The following NCALD variants were observed in gnomAD, a reference collection of about 807,000 sequenced individuals.
The protein encoded by NCALD is neurocalcin-delta.
NCALD carries 10 observed loss-of-function variants against 18.6 expected under a neutral mutation model. The observed-to-expected ratio is 0.54, with a 90% CI of 0.33 to 0.91. NCALD has a LOEUF of 0.91. Ranked by LOEUF, NCALD falls within the 40% of genes least tolerant of loss-of-function variation. NCALD has a pLI of 0.03. For synonymous variants in NCALD, 88 were observed against 87.4 expected, an observed-to-expected ratio of 1.01 and a Z score of -0.04; for missense variants, 184 against 247.6, an observed-to-expected ratio of 0.74 and a Z score of 1.72.
intron 1 of NCALD, among the ~76,000 whole-genome samples, chr8:101,765,016 T>C (rs538155057): frequency 1.3e-5 from 2 of 152,302 alleles, no homozygotes; most frequent in East Asian, 1.9e-4. Flanking sequence ...CAGGCAAATA[T>C]GAATCTTCAG....
At chr8:101,913,458 C>A (rs1817870814) in intron 3 of NCALD, among the ~76,000 whole-genome samples, 1 of 152,172 alleles carries the variant, frequency 6.6e-6, no homozygotes, top group African/African-American at 2.4e-5. Flanking sequence ...TCAGACTCAA[C>A]ATTTTTCAAA....
At chr8:102,032,549 C>T (rs897391335) in intron 1 of NCALD, among the ~76,000 whole-genome samples, 3 of 144,178 alleles carry the variant, frequency 2.1e-5, no homozygotes, top group Admixed American at 7.3e-5. Flanking sequence ...CAAATCTATA[C>T]TAACTCATAC....
At chr8:101,854,775 A>G (rs902447156) in intron 4 of NCALD, among the ~76,000 whole-genome samples, 1 of 152,208 alleles carries the variant, frequency 6.6e-6, no homozygotes, top group African/African-American at 2.4e-5. Flanking sequence ...TAGCTTTAAA[A>G]AATTTTCATA....
chr8:101,713,880 GA>G (rs1815936127), intron 2 of NCALD, among the ~76,000 whole-genome samples: 1 of 152,100 alleles, frequency 6.6e-6, no homozygotes, highest in South Asian at 2.1e-4. Context: ...CATTCCTTCT[GA>G]AACTATTCCA....
chr8:102,105,440 C>G (rs1217127056), intron 1 of NCALD, among the ~76,000 whole-genome samples: 1 of 152,150 alleles, frequency 6.6e-6, no homozygotes, highest in Non-Finnish European at 1.5e-5. Flanking sequence ...TTTTGCTGCC[C>G]GGGCTCCAAC....
At chr8:102,012,504 C>A (rs914233017) in intron 2 of NCALD, among the ~76,000 whole-genome samples, 2 of 152,210 alleles carry the variant, frequency 1.3e-5, no homozygotes, top group African/African-American at 4.8e-5. Flanking sequence ...TAAGGAGAGG[C>A]CAGAGCCTGC....
intron 4 of NCALD, among the ~76,000 whole-genome samples, chr8:101,818,338 A>T (rs1813583836): frequency 6.6e-6 from 1 of 152,090 alleles, no homozygotes; most frequent in African/African-American, 2.4e-5. Context: ...CATGCAAATG[A>T]CCTCACTTGA....
At chr8:101,771,262 C>T (rs1811574305) in intron 1 of NCALD, among the ~76,000 whole-genome samples, 1 of 152,206 alleles carries the variant, frequency 6.6e-6, no homozygotes, top group South Asian at 2.1e-4. Context: ...CAGCTAGCAT[C>T]ATGGTACCTC....
At chr8:101,856,139 T>C (rs1025490228) in intron 4 of NCALD, among the ~76,000 whole-genome samples, 1 of 152,116 alleles carries the variant, frequency 6.6e-6, no homozygotes, top group Non-Finnish European at 1.5e-5. Context: ...TGATCTTACC[T>C]GTCTCTTGTT....
chr8:101,778,870 A>G (rs963748043), intron 1 of NCALD, among the ~76,000 whole-genome samples: 6 of 152,152 alleles, frequency 3.9e-5, no homozygotes, highest in African/African-American at 1.4e-4. Flanking sequence ...GATTTAAAAA[A>G]CCTGAAGAGG....
intron 2 of NCALD, among the ~76,000 whole-genome samples, chr8:101,944,623 A>C (rs754866859): frequency 6.6e-6 from 1 of 152,136 alleles, no homozygotes; most frequent in Non-Finnish European, 1.5e-5. Flanking sequence ...CCCTTTTCCC[A>C]TTGGGCAGTG....
rs185991833 is a variant in NCALD, at chr8:101,693,004, T to C, written c.379-108A>G. On this transcript the variant is annotated intron_variant, in intron 2 of 3. Transcript: ENST00000220931. ...GCTGAAGGGAATGTCCCCATCCGCA[T>C]TGGACCTAGTCCTACCCCTATTGAT... 461 of 750,390 alleles carry C rather than the reference T, an allele frequency of 6.1e-4. 2 individuals carry two copies. The highest frequency in any genetic ancestry group is 4.3e-3 in the African/African-American group (250 of 58,224). 46.5% of individuals were successfully genotyped at this position (750,390 alleles called of 1,614,324 possible). A position where few individuals can be genotyped will look rare whatever the true frequency, so the allele number is the denominator to read the frequency against.
At chr8:101,792,620 C>T (rs1355057793), upstream of NCALD, among the ~76,000 whole-genome samples, 2 of 152,194 alleles carry the variant, frequency 1.3e-5, no homozygotes, top group Non-Finnish European at 2.9e-5. Context: ...AATTCATAAA[C>T]TGACAATTTG....
At chr8:102,107,223 T>C (rs982887207) in intron 1 of NCALD, among the ~76,000 whole-genome samples, 3 of 130,866 alleles carry the variant, frequency 2.3e-5, no homozygotes, top group African/African-American at 9.7e-5. Context: ...TATATATATA[T>C]ATATATATAT....
chr8:101,793,811 G>A (rs769638847), upstream of NCALD, among the ~76,000 whole-genome samples: 21 of 152,076 alleles, frequency 1.4e-4, no homozygotes, highest in Non-Finnish European at 2.9e-4. Flanking sequence ...AAATGTCAAG[G>A]CTGCCTATTA....
At chr8:102,115,211 C>T (rs1243983095) in intron 1 of NCALD, among the ~76,000 whole-genome samples, 1 of 152,174 alleles carries the variant, frequency 6.6e-6, no homozygotes, top group African/African-American at 2.4e-5. Context: ...CACAGTATTC[C>T]GATACACTGT....
intron 2 of NCALD, among the ~76,000 whole-genome samples, chr8:102,015,005 T>C (rs1246279066): frequency 1.3e-5 from 2 of 152,062 alleles, no homozygotes; most frequent in African/African-American, 2.4e-5. Context: ...AGGGTGTACA[T>C]GGTTAATATA....
chr8:101,869,824 T>C (rs752793711), intron 4 of NCALD, among the ~76,000 whole-genome samples: 3 of 152,248 alleles, frequency 2.0e-5, no homozygotes, highest in Non-Finnish European at 2.9e-5. Context: ...TCCTCATATT[T>C]ATGTATTTGT....
chr8:101,818,218 C>G (rs1480208744), intron 4 of NCALD, among the ~76,000 whole-genome samples: 2 of 152,174 alleles, frequency 1.3e-5, no homozygotes, highest in Non-Finnish European at 2.9e-5. Context: ...TTCTCAGGCT[C>G]TCTTCTAATC....
Sources: allele counts gnomAD v4.1 joint callset (sites outside exome capture counted in the v4.1 genomes callset), GRCh38; gene constraint gnomAD v4.1.1; transcripts MANE v1.5; gene names NCBI Gene and HGNC (gene_info 2026-07-23, HGNC 2026-07-21).